UNC5D: variants seen among roughly 807,000 people sequenced by gnomAD.
The protein encoded by UNC5D is netrin receptor UNC5D.
UNC5D carries 39 observed loss-of-function variants against 105.4 expected under a neutral mutation model. The ratio of observed to expected loss-of-function variants is 0.37; its 90% CI spans 0.29 to 0.48. The LOEUF (loss-of-function observed/expected upper bound fraction) is 0.48. UNC5D is among the 20% of genes least tolerant of loss of function. UNC5D has a pLI of 0.98. For synonymous variants in UNC5D, 452 were observed against 450.4 expected (o/e 1.00, Z -0.04); for missense variants, 991 against 1,202.4 (o/e 0.82, Z 2.60).
At chr8:35,754,763 G>T (rs1329920869) in intron 13 of UNC5D, among the ~76,000 whole-genome samples, 1 of 152,042 alleles carries the variant, frequency 6.6e-6, no homozygotes, top group African/African-American at 2.4e-5. Context: ...CATTTGCTCT[G>T]GGGGTAGCTT....
chr8:35,721,807 G>A (rs983897909), intron 8 of UNC5D, among the ~76,000 whole-genome samples: 8 of 152,302 alleles, frequency 5.3e-5, no homozygotes, highest in African/African-American at 1.9e-4. Context: ...AAGCAGAGCA[G>A]ATCACCCATA....
chr8:35,259,185 A>G (rs1045633369), intron 1 of UNC5D, among the ~76,000 whole-genome samples: 6 of 152,148 alleles, frequency 3.9e-5, no homozygotes, highest in African/African-American at 1.4e-4. Context: ...GAAGGCAGAG[A>G]GAAGAAAAGC....
intron 8 of UNC5D, among the ~76,000 whole-genome samples, chr8:35,711,568 T>G (rs1468682569): frequency 6.6e-6 from 1 of 152,190 alleles, no homozygotes; most frequent in Non-Finnish European, 1.5e-5. Flanking sequence ...GCCCCTCAGT[T>G]TGAATGCCTG....
intron 1 of UNC5D, among the ~76,000 whole-genome samples, chr8:35,401,962 G>T (rs1004623164): frequency 3.3e-5 from 5 of 152,150 alleles, no homozygotes; most frequent in African/African-American, 1.2e-4. Context: ...ATTTTGTGTT[G>T]TAAATAATGG....
chr8:35,336,915 C>G (rs764425629), intron 1 of UNC5D, among the ~76,000 whole-genome samples: 19 of 152,024 alleles, frequency 1.2e-4, no homozygotes, highest in Non-Finnish European at 2.5e-4. Context: ...CCACTAACAG[C>G]TGGATGCTGG....
chr8:35,512,583 C>G (rs1221278811), intron 1 of UNC5D, among the ~76,000 whole-genome samples: 2 of 90,716 alleles, frequency 2.2e-5, no homozygotes, highest in Non-Finnish European at 3.9e-5. Flanking sequence ...GAATAGATTA[C>G]TAAATGGAGA....
At chr8:35,256,483 A>G (rs1299523841) in intron 1 of UNC5D, 13 of 152,038 alleles carry the variant, frequency 8.6e-5, no homozygotes, top group African/African-American at 1.2e-4. Context: ...GAACGCCCTG[A>G]CGGGAGTTTT....
chr8:35,618,382 A>C (rs1325950710), intron 4 of UNC5D, among the ~76,000 whole-genome samples: 1 of 152,246 alleles, frequency 6.6e-6, no homozygotes, highest in Non-Finnish European at 1.5e-5. Context: ...TAATTAACTC[A>C]TAAGACTAAT....
intron 1 of UNC5D, among the ~76,000 whole-genome samples, chr8:35,511,663 G>A (rs975273546): frequency 6.6e-6 from 1 of 151,250 alleles, no homozygotes; most frequent in African/African-American, 2.4e-5. Context: ...GGCTTTTCTG[G>A]GCCACATTGA....
rs765962609 is a variant in UNC5D at position 35,750,816 on chromosome 8, CTTTGT to C, written c.2163+11_2163+15del. 2 of 1,613,430 alleles carry C rather than the reference CTTTGT, an allele frequency of 1.2e-6. No individual in the cohort carries two copies. Among genetic ancestry groups the C allele is most frequent in the Admixed American group, 3.3e-5 (2 of 59,986 alleles). On this transcript the variant is annotated splice_region_variant and intron_variant, in intron 13 of 16. Transcript: ENST00000404895. ...TACCCCTTGTGCATTTCAGGTTAGC[CTTTGT>C]TTTAATAATTTTCTTTTGGTGTCAT... is the stretch of plus-strand genomic sequence containing the variant.
At chr8:35,529,911 G>A (rs1222836376) in intron 1 of UNC5D, among the ~76,000 whole-genome samples, 9 of 150,602 alleles carry the variant, frequency 6.0e-5, no homozygotes, top group African/African-American at 2.2e-4. Context: ...CTGAGACTTT[G>A]CTGAAGTTGC....
intron 1 of UNC5D, among the ~76,000 whole-genome samples, chr8:35,327,844 A>G (rs1810292327): frequency 6.6e-6 from 1 of 152,220 alleles, no homozygotes; most frequent in South Asian, 2.1e-4. Flanking sequence ...CAGAAGCGTG[A>G]ACCCAGAGAT....
chr8:35,645,718 G>T (rs1823004581), intron 4 of UNC5D, among the ~76,000 whole-genome samples: 1 of 152,006 alleles, frequency 6.6e-6, no homozygotes, highest in Admixed American at 6.6e-5. Context: ...ATTTTTCAGA[G>T]AATATAAAAT....
At chr8:35,377,136 T>C (rs1450791748) in intron 1 of UNC5D, among the ~76,000 whole-genome samples, 5 of 152,190 alleles carry the variant, frequency 3.3e-5, no homozygotes, top group Non-Finnish European at 7.3e-5. Flanking sequence ...GCATAGTGCC[T>C]TGTTGCCTAG....
chr8:35,490,452 A>G (rs1322424210), intron 1 of UNC5D, among the ~76,000 whole-genome samples: 1 of 152,180 alleles, frequency 6.6e-6, no homozygotes, highest in African/African-American at 2.4e-5. Context: ...TGAGCCCAGA[A>G]GTTCAAGCCT....
At position 35,766,915 on chromosome 8, in the gene UNC5D, C is replaced by A. The variant is rs868162983; in HGVS notation, c.2327C>A (p.Ser776Tyr). Residue 776 changes from serine (S) to tyrosine (Y), a missense_variant, in exon 15 of 17, where the codon TCC (serine) becomes TAC (tyrosine). By Grantham distance (144) the Ser-to-Tyr change is moderately radical (BLOSUM62 -2). This residue lies in a region of UNC5D where 944 missense variants were observed against 1,131.6 expected (regional missense o/e 0.83). Transcript: ENST00000404895. ...TCTCCCCTGCAGGAAGTCCCGTTCT[C>A]CCGCGTGTGGTGCAGTAACCGGCAG... is the stretch of plus-strand genomic sequence containing the variant. ...PFTACQEVPF[S>Y]RVWCSNRQPL... 3.7e-6 allele frequency: 6 copies of A among 1,612,912 alleles called. No individual in the cohort carries two copies. In the South Asian group the frequency reaches 6.6e-5, roughly 18 times the overall value.
chr8:35,424,728 C>T (rs77170491), intron 1 of UNC5D, among the ~76,000 whole-genome samples: 13 of 152,294 alleles, frequency 8.5e-5, no homozygotes, highest in African/African-American at 2.9e-4. Flanking sequence ...GACTCATGCC[C>T]CTGCAACCTG....
At chr8:35,403,257 C>T (rs1477572984) in intron 1 of UNC5D, among the ~76,000 whole-genome samples, 1 of 152,218 alleles carries the variant, frequency 6.6e-6, no homozygotes, top group Non-Finnish European at 1.5e-5. Flanking sequence ...ATTCAGGGCA[C>T]CTCCTTAGCA....
At chr8:35,753,269 T>TC (rs1479614060) in intron 13 of UNC5D, among the ~76,000 whole-genome samples, 1 of 149,062 alleles carries the variant, frequency 6.7e-6, no homozygotes, top group Non-Finnish European at 1.5e-5. Context: ...GAGAGATATT[T>TC]CTTTTTTTTT....
Sources: allele counts gnomAD v4.1 joint callset (sites outside exome capture counted in the v4.1 genomes callset), GRCh38; gene constraint gnomAD v4.1.1; regional missense constraint gnomAD v4.1.1; transcripts MANE v1.5; gene names NCBI Gene and HGNC (gene_info 2026-07-23, HGNC 2026-07-21).